Variants in UBE2K observed in about 807,000 individuals in gnomAD.
UBE2K encodes ubiquitin conjugating enzyme E2 K, also known as ubiquitin-conjugating enzyme E2 K.
Under a neutral mutation model 30.0 loss-of-function variants are expected in UBE2K, and 6 were observed. The observed-to-expected ratio is 0.20, with a 90% CI of 0.11 to 0.39. The LOEUF is 0.39. Ranked by LOEUF, UBE2K falls within the 10% of genes least tolerant of loss-of-function variation. UBE2K has a pLI of 1.00. For synonymous variants in UBE2K, 86 were observed against 83.7 expected, an observed-to-expected ratio of 1.03 and a Z score of -0.15; for missense variants, 61 against 241.6, an observed-to-expected ratio of 0.25 and a Z score of 4.96.
chr4:39,717,825 C>CT (rs1719171597), intron 1 of UBE2K, among the ~76,000 whole-genome samples: 1 of 151,328 alleles, frequency 6.6e-6, no homozygotes, highest in Admixed American at 6.6e-5. Flanking sequence ...GGTTCGTGGT[C>CT]TCGCTGGCTC....
At chr4:39,727,592 T>TC (rs961466232) in intron 1 of UBE2K, among the ~76,000 whole-genome samples, 1 of 151,640 alleles carries the variant, frequency 6.6e-6, no homozygotes, top group African/African-American at 2.4e-5. Flanking sequence ...TTTTTTTTTT[T>TC]CCATAAGGAT....
At chr4:39,704,727 A>G (rs1418740710) in intron 1 of UBE2K, among the ~76,000 whole-genome samples, 1 of 151,954 alleles carries the variant, frequency 6.6e-6, no homozygotes, top group Non-Finnish European at 1.5e-5. Context: ...TTTTTTGTAG[A>G]GACGGGGTTT....
intron 1 of UBE2K, among the ~76,000 whole-genome samples, chr4:39,711,515 A>G (rs1019349052): frequency 6.6e-6 from 1 of 151,954 alleles, no homozygotes; most frequent in Non-Finnish European, 1.5e-5. Context: ...TCTTTAATAC[A>G]GACTATATTG....
At chr4:39,741,413 TTTG>T (rs1316765017) in intron 2 of UBE2K, among the ~76,000 whole-genome samples, 10 of 152,352 alleles carry the variant, frequency 6.6e-5, no homozygotes, top group African/African-American at 9.6e-5. Context: ...AGAAGTTCAT[TTTG>T]TTAAGGAAAA....
chr4:39,742,826 A>G (rs1397256482), intron 2 of UBE2K, among the ~76,000 whole-genome samples: 1 of 152,132 alleles, frequency 6.6e-6, no homozygotes, highest in Non-Finnish European at 1.5e-5. Flanking sequence ...CAGGCGGATC[A>G]CCTGAGGCCA....
intron 5 of UBE2K, among the ~76,000 whole-genome samples, chr4:39,775,613 G>A (rs1426590460): frequency 1.3e-5 from 2 of 152,090 alleles, no homozygotes; most frequent in Non-Finnish European, 2.9e-5. Flanking sequence ...CTAGCCTGGC[G>A]TGGTGGCACA....
chr4:39,708,159 C>T (rs562490337), intron 1 of UBE2K, among the ~76,000 whole-genome samples: 2 of 152,008 alleles, frequency 1.3e-5, no homozygotes, highest in African/African-American at 2.4e-5. Flanking sequence ...CTTGGCCTCC[C>T]GAAGTGCTGG....
intron 4 of UBE2K, among the ~76,000 whole-genome samples, chr4:39,772,442 G>A (rs1015764451): frequency 4.0e-5 from 6 of 151,406 alleles, no homozygotes; most frequent in African/African-American, 1.5e-4. Context: ...GGGCGTGGTG[G>A]TGTGCACCTG....
chr4:39,717,073 G>A (rs551862309), intron 1 of UBE2K, among the ~76,000 whole-genome samples: 3 of 151,504 alleles, frequency 2.0e-5, no homozygotes, highest in East Asian at 1.9e-4. Flanking sequence ...ATGCTGAGGC[G>A]AGAGGATCCC....
chr4:39,705,453 C>A (rs1183433216), intron 1 of UBE2K, among the ~76,000 whole-genome samples: 1 of 151,996 alleles, frequency 6.6e-6, no homozygotes, highest in Non-Finnish European at 1.5e-5. Context: ...ACTGCCTTGG[C>A]CTCCCAAAGT....
chr4:39,772,371 G>T (rs1370417638), intron 4 of UBE2K, among the ~76,000 whole-genome samples: 1 of 141,296 alleles, frequency 7.1e-6, no homozygotes, highest in Non-Finnish European at 1.5e-5. Context: ...ACCAGCCTGG[G>T]TAACATGGTG....
chr4:39,730,624 C>T (rs1453034594), intron 1 of UBE2K, among the ~76,000 whole-genome samples: 1 of 151,784 alleles, frequency 6.6e-6, no homozygotes, highest in African/African-American at 2.4e-5. Flanking sequence ...AGCAATTAGC[C>T]GGGCATGGTG....
chr4:39,770,144 G>A, intron 4 of UBE2K: 3 of 1,600,806 alleles, frequency 1.9e-6, no homozygotes, highest in South Asian at 2.2e-5. Context: ...CGGTGGTCTT[G>A]CCGTGTTGCT....
At chr4:39,731,135 C>T (rs921492789) in intron 1 of UBE2K, among the ~76,000 whole-genome samples, 56 of 152,168 alleles carry the variant, frequency 3.7e-4, no homozygotes, top group Non-Finnish European at 6.6e-4. Flanking sequence ...TCAGGTGATC[C>T]GCCTGCCTCA....
At chr4:39,742,554 T>A (rs1247349425) in intron 2 of UBE2K, among the ~76,000 whole-genome samples, 2 of 151,910 alleles carry the variant, frequency 1.3e-5, no homozygotes, top group African/African-American at 4.8e-5. Context: ...TTAGCCAGCA[T>A]GCTGAGACCC....
chr4:39,711,503 GTTCT>G (rs1718679563), intron 1 of UBE2K, among the ~76,000 whole-genome samples: 1 of 151,884 alleles, frequency 6.6e-6, no homozygotes, highest in Non-Finnish European at 1.5e-5. Context: ...TGTTGTGCTA[GTTCT>G]TTAATACAGA....
chr4:39,746,341 C>T (rs1053452403), intron 3 of UBE2K, among the ~76,000 whole-genome samples: 1 of 152,168 alleles, frequency 6.6e-6, no homozygotes, highest in African/African-American at 2.4e-5. Flanking sequence ...ACCCTAAGAT[C>T]ATGTATAACA....
At chr4:39,739,776 A>G (rs1720595195) in intron 2 of UBE2K, among the ~76,000 whole-genome samples, 1 of 152,092 alleles carries the variant, frequency 6.6e-6, no homozygotes, top group Non-Finnish European at 1.5e-5. Flanking sequence ...TATTGGAGAG[A>G]TGGCATCTTG....
Position 39,711,248 on chromosome 4 carries a change from T to C in UBE2K, c.63+12858T>C, listed in dbSNP as rs562821950. On this transcript the variant is annotated intron_variant, in intron 1 of 6. Transcript: ENST00000261427. Reference sequence around the variant, plus strand: ...TGTGATCTCGGCTCACTGCAAGCTCTGCCTCCCGGGGTCATGCCATTCTCC... The same window carrying C: ...TGTGATCTCGGCTCACTGCAAGCTCCGCCTCCCGGGGTCATGCCATTCTCC... 4.0e-4 allele frequency among the ~76,000 whole-genome samples: 60 copies of C among 148,506 alleles called. 2 individuals are homozygous for C. Among genetic ancestry groups the C allele is most frequent in the Non-Finnish European group, 5.8e-4 (39 of 66,778 alleles).
Sources: allele counts gnomAD v4.1 joint callset (sites outside exome capture counted in the v4.1 genomes callset), GRCh38; gene constraint gnomAD v4.1.1; transcripts MANE v1.5; gene names NCBI Gene and HGNC (gene_info 2026-07-23, HGNC 2026-07-21).